UVRAG: variants seen among roughly 807,000 people sequenced by gnomAD.
UVRAG encodes the protein UV radiation resistance associated.
In UVRAG, 19 loss-of-function variants were observed where a neutral mutation model predicts 78.0. The observed-to-expected ratio is 0.24, with a 90% confidence interval of 0.17 to 0.36. The LOEUF (loss-of-function observed/expected upper bound fraction) is 0.36. Ranked by LOEUF, UVRAG falls within the 10% of genes least tolerant of loss-of-function variation. The probability of loss-of-function intolerance (pLI) is 1.00; values close to 1 mark genes in which losing one functional copy is unlikely to be tolerated. For missense variants in UVRAG, 740 were observed against 853.8 expected (o/e 0.87, Z 1.66); for synonymous variants, 323 against 324.6 (o/e 1.00, Z 0.05).
chr11:76,118,553 C>T (rs1039105583), intron 14 of UVRAG, among the ~76,000 whole-genome samples: 1 of 152,114 alleles, frequency 6.6e-6, no homozygotes, highest in Non-Finnish European at 1.5e-5. Context: ...TTTCTGTTCT[C>T]AGGTTACTAA....
At chr11:75,920,504 G>A (rs1412600363) in intron 6 of UVRAG, among the ~76,000 whole-genome samples, 1 of 151,968 alleles carries the variant, frequency 6.6e-6, no homozygotes, top group Non-Finnish European at 1.5e-5. Flanking sequence ...TAGGATTTAA[G>A]CAAAATACGG....
At chr11:75,886,971 G>GT (rs1192697394) in intron 4 of UVRAG, among the ~76,000 whole-genome samples, 10,446 of 133,630 alleles carry the variant, frequency 0.078, 456 homozygotes, top group African/African-American at 0.14. Context: ...CCTTAATTTT[G>GT]TTTTTTTTTT....
chr11:76,136,254 A>G (rs1474920722), intron 14 of UVRAG, among the ~76,000 whole-genome samples: 1 of 152,198 alleles, frequency 6.6e-6, no homozygotes, highest in African/African-American at 2.4e-5. Flanking sequence ...ATATAAAATC[A>G]AAATTATTTT....
intron 5 of UVRAG, among the ~76,000 whole-genome samples, chr11:75,901,669 T>G (rs1029818647): frequency 6.6e-6 from 1 of 152,236 alleles, no homozygotes; most frequent in Non-Finnish European, 1.5e-5. Flanking sequence ...TTTTTCCTGG[T>G]TCTTGACATT....
intron 12 of UVRAG, among the ~76,000 whole-genome samples, chr11:76,018,776 T>C (rs1442521315): frequency 6.6e-6 from 1 of 152,212 alleles, no homozygotes; most frequent in Non-Finnish European, 1.5e-5. Context: ...ATCTTCTCTT[T>C]ATACTTGACC....
intron 12 of UVRAG, among the ~76,000 whole-genome samples, chr11:76,059,654 C>T (rs964771339): frequency 2.6e-5 from 4 of 152,152 alleles, no homozygotes; most frequent in Admixed American, 2.6e-4. Context: ...AAGAATTATC[C>T]AGAGTGGCAG....
intron 2 of UVRAG, among the ~76,000 whole-genome samples, chr11:75,853,653 A>G (rs1439244298): frequency 1.3e-5 from 2 of 151,228 alleles, no homozygotes; most frequent in East Asian, 4.0e-4. Context: ...GTGCCTGGCA[A>G]TAATTTTTAA....
At chr11:76,049,948 A>G (rs377523285) in intron 12 of UVRAG, among the ~76,000 whole-genome samples, 1 of 152,208 alleles carries the variant, frequency 6.6e-6, no homozygotes, top group Non-Finnish European at 1.5e-5. Context: ...AGGAAACGCT[A>G]TGTGACCATG....
intron 2 of UVRAG, among the ~76,000 whole-genome samples, chr11:75,856,114 C>T (rs1013553434): frequency 1.3e-5 from 2 of 152,124 alleles, no homozygotes; most frequent in Non-Finnish European, 1.5e-5. Context: ...CTCACCCTCC[C>T]GAGTAGCTGG....
intron 8 of UVRAG, among the ~76,000 whole-genome samples, chr11:75,984,204 A>C (rs1017663992): frequency 6.6e-6 from 1 of 152,190 alleles, no homozygotes; most frequent in African/African-American, 2.4e-5. Flanking sequence ...AGTGACAGTG[A>C]GCTGCAGCTC....
intron 1 of UVRAG, among the ~76,000 whole-genome samples, chr11:75,818,708 T>A (rs1945320185): frequency 6.6e-6 from 1 of 152,122 alleles, no homozygotes; most frequent in South Asian, 2.1e-4. Flanking sequence ...GGAACCCCTG[T>A]CCTTGTGATC....
chr11:76,007,513 T>C (rs766360884), intron 9 of UVRAG, 21 bp from the exon 10 acceptor site: 2 of 1,563,898 alleles, frequency 1.3e-6, no homozygotes, highest in South Asian at 1.2e-5. Context: ...TTAATAAATG[T>C]ATTTTTTCTT....
intron 8 of UVRAG, among the ~76,000 whole-genome samples, chr11:75,991,887 A>G (rs992494857): frequency 6.6e-6 from 1 of 152,278 alleles, no homozygotes; most frequent in South Asian, 2.1e-4. Flanking sequence ...ATAATTGCTC[A>G]TATTTAGAGA....
intron 1 of UVRAG, among the ~76,000 whole-genome samples, chr11:75,824,953 G>C (rs144171649): frequency 6.6e-6 from 1 of 151,784 alleles, no homozygotes; most frequent in African/African-American, 2.4e-5. Context: ...GATTACAGGC[G>C]TGAGCCAGCG....
At chr11:75,970,732 CAAAAAAA>C (rs59187207) in intron 7 of UVRAG, among the ~76,000 whole-genome samples, 1 of 66,348 alleles carries the variant, frequency 1.5e-5, no homozygotes, top group Non-Finnish European at 3.3e-5. Flanking sequence ...GACTCCATCT[CAAAAAAA>C]AAAAAAAAAA....
chr11:75,833,147 G>A (rs1799825900), intron 1 of UVRAG, among the ~76,000 whole-genome samples: 1 of 152,006 alleles, frequency 6.6e-6, no homozygotes, highest in South Asian at 2.1e-4. Context: ...TGGAAAAATG[G>A]CACCTTTTAT....
chr11:75,982,660 G>A (rs1435749752), intron 7 of UVRAG, among the ~76,000 whole-genome samples: 1 of 152,144 alleles, frequency 6.6e-6, no homozygotes, highest in Non-Finnish European at 1.5e-5. Context: ...GGGCAGGGGG[G>A]TTAGAGCACC....
chr11:76,087,795 G>A (rs980279681), intron 13 of UVRAG, among the ~76,000 whole-genome samples: 7 of 152,144 alleles, frequency 4.6e-5, no homozygotes, highest in African/African-American at 7.2e-5. Context: ...TTACTACAGC[G>A]GGCCTGATTG....
rs80315440 is a variant in UVRAG at position 76,081,939 on chromosome 11, A to C, written c.1305+16151A>C. On this transcript the variant is annotated intron_variant, in intron 13 of 14. Transcript: ENST00000356136. The stretch of plus-strand genomic sequence containing the variant: ...TGATGTAGAGTAAAAGAACCAAAGC[A>C]AAAAAAAAAAAAAAAATCCACAATC... Among the ~76,000 whole-genome samples, 4 of 125,110 alleles carry C rather than the reference A, an allele frequency of 3.2e-5. No individual in the cohort carries two copies. The East Asian group carries it at 8.7e-4, about 27-fold the overall frequency. The allele number at this position is 125,110 out of a possible 152,430, so 82.1% of individuals were successfully genotyped here.
Sources: allele counts gnomAD v4.1 joint callset (sites outside exome capture counted in the v4.1 genomes callset), GRCh38; gene constraint gnomAD v4.1.1; transcripts MANE v1.5; gene names NCBI Gene and HGNC (gene_info 2026-07-23, HGNC 2026-07-21).